Variants in CDH20 observed in about 807,000 individuals in gnomAD.
CDH20 encodes the protein cadherin-20.
CDH20 carries 29 observed loss-of-function variants against 74.2 expected under a neutral mutation model. That is an observed-to-expected ratio of 0.39 (90% CI 0.29 to 0.53). The LOEUF (loss-of-function observed/expected upper bound fraction) is 0.53, where lower values mean the gene tolerates loss of function less well. CDH20 is among the 20% of genes least tolerant of loss of function. The probability of loss-of-function intolerance (pLI) is 0.69; values close to 1 mark genes in which losing one functional copy is unlikely to be tolerated. For missense variants in CDH20, 988 were observed against 1,048.3 expected (o/e 0.94, Z 0.79); for synonymous variants, 469 against 405.4 (o/e 1.16, Z -1.88).
At chr18:61,428,729 A>G (rs1038554785) in intron 1 of CDH20, among the ~76,000 whole-genome samples, 3 of 152,212 alleles carry the variant, frequency 2.0e-5, no homozygotes, top group African/African-American at 7.2e-5. Flanking sequence ...TCTCTCAGAC[A>G]CTAGCCCATG....
At chr18:61,552,359 T>C (rs899004456) in intron 11 of CDH20, among the ~76,000 whole-genome samples, 5 of 152,024 alleles carry the variant, frequency 3.3e-5, no homozygotes, top group Middle Eastern at 3.4e-3. Context: ...TCATGTAATA[T>C]TTGTTATGTA....
At chr18:61,536,399 A>G in intron 7 of CDH20, 94 bp from the exon 8 acceptor site, 1 of 972,426 alleles carries the variant, frequency 1.0e-6, no homozygotes, top group Non-Finnish European at 1.5e-6. Context: ...TGGTGGAACC[A>G]TGTTTCATAT....
intron 9 of CDH20, among the ~76,000 whole-genome samples, chr18:61,543,042 G>C (rs541141884): frequency 6.6e-6 from 1 of 152,156 alleles, no homozygotes; most frequent in Non-Finnish European, 1.5e-5. Flanking sequence ...AACCATAGGA[G>C]TGGGTAGGTG....
At chr18:61,493,825 A>G (rs903711273) in intron 2 of CDH20, among the ~76,000 whole-genome samples, 8 of 152,210 alleles carry the variant, frequency 5.3e-5, no homozygotes, top group African/African-American at 1.7e-4. Context: ...GTTTGTATTC[A>G]GCAATTTTCA....
intron 1 of CDH20, among the ~76,000 whole-genome samples, chr18:61,455,926 G>A (rs796132214): frequency 4.6e-5 from 7 of 152,260 alleles, no homozygotes; most frequent in African/African-American, 1.2e-4. Context: ...GCATCTTCAC[G>A]TTGAGCATTG....
intron 1 of CDH20, among the ~76,000 whole-genome samples, chr18:61,480,377 G>A (rs1003844677): frequency 6.6e-6 from 1 of 152,186 alleles, no homozygotes; most frequent in African/African-American, 2.4e-5. Flanking sequence ...AGGTCCTGAC[G>A]ACATGTGCCC....
intron 1 of CDH20, among the ~76,000 whole-genome samples, chr18:61,485,917 C>T (rs1599117626): frequency 6.6e-6 from 1 of 152,022 alleles, no homozygotes; most frequent in African/African-American, 2.4e-5. Flanking sequence ...ACTAAAAATA[C>T]AAAAAATTAG....
chr18:61,383,589 T>A (rs923475346), intron 1 of CDH20, among the ~76,000 whole-genome samples: 3 of 151,426 alleles, frequency 2.0e-5, no homozygotes, highest in South Asian at 2.1e-4. Context: ...TAAAAAAAAA[T>A]AAAAAATAAA....
chr18:61,354,219 G>A (rs909040110), intron 1 of CDH20, among the ~76,000 whole-genome samples: 20 of 152,032 alleles, frequency 1.3e-4, no homozygotes, highest in Admixed American at 2.6e-4. Context: ...TGCTGGTCTC[G>A]ACACCATTCT....
At chr18:61,407,706 A>G (rs1326280430) in intron 1 of CDH20, among the ~76,000 whole-genome samples, 1 of 152,212 alleles carries the variant, frequency 6.6e-6, no homozygotes, top group African/African-American at 2.4e-5. Flanking sequence ...GCATAACCCA[A>G]TGCAGTCATA....
At chr18:61,471,840 C>G (rs1411456000) in intron 1 of CDH20, among the ~76,000 whole-genome samples, 1 of 152,078 alleles carries the variant, frequency 6.6e-6, no homozygotes, top group Non-Finnish European at 1.5e-5. Context: ...GAAAGAGAAG[C>G]TCAGCTGAGA....
Position 61,554,635 on chromosome 18 carries a change from C to A in CDH20, c.2346C>A (p.Pro782=). The change falls in exon 12 of 12, where the codon CCC becomes CCA. Residue 782 remains proline (P), a synonymous_variant. Coordinates refer to ENST00000262717, the MANE Select transcript of CDH20 (RefSeq NM_031891.4). Reference sequence around the variant, plus strand: ...TCGACTTCCTGACGGACTGGGGGCCCCGCTTCCGGAAGCTGGCCGAGCTCT... The same window carrying A: ...TCGACTTCCTGACGGACTGGGGGCCACGCTTCCGGAAGCTGGCCGAGCTCT... The part of the protein sequence containing the change: ...QSFDFLTDWG[P]RFRKLAELYG... 1 of 1,602,212 alleles carries A rather than the reference C, an allele frequency of 6.2e-7. No individual in the cohort carries two copies. The highest frequency in any genetic ancestry group is 8.5e-7 in the Non-Finnish European group (1 of 1,174,912).
At chr18:61,527,796 G>C (rs1446965646) in intron 6 of CDH20, among the ~76,000 whole-genome samples, 171 bp from the exon 7 acceptor site, 1 of 152,126 alleles carries the variant, frequency 6.6e-6, no homozygotes, top group Non-Finnish European at 1.5e-5. Context: ...TTAAGACCAA[G>C]AACTACAGAA....
chr18:61,369,619 G>T (rs1910966024), intron 1 of CDH20, among the ~76,000 whole-genome samples: 1 of 152,076 alleles, frequency 6.6e-6, no homozygotes, highest in Admixed American at 6.6e-5. Context: ...GCACACGTAT[G>T]TTCATTGGAG....
At chr18:61,455,300 G>A in intron 1 of CDH20, among the ~76,000 whole-genome samples, 1 of 152,176 alleles carries the variant, frequency 6.6e-6, no homozygotes, top group East Asian at 1.9e-4. Flanking sequence ...ATATTAGTGA[G>A]AAAATTGGGG....
intron 1 of CDH20, among the ~76,000 whole-genome samples, chr18:61,395,363 A>C (rs900732338): frequency 6.6e-6 from 1 of 152,226 alleles, no homozygotes; most frequent in Non-Finnish European, 1.5e-5. Context: ...GTACTTGATA[A>C]GCACTGAATA....
intron 1 of CDH20, among the ~76,000 whole-genome samples, chr18:61,403,543 C>T (rs578121896): frequency 1.3e-5 from 2 of 152,190 alleles, no homozygotes; most frequent in Non-Finnish European, 2.9e-5. Context: ...CATATAATAC[C>T]TCAAGGTGTT....
chr18:61,362,359 C>T (rs187594236), intron 1 of CDH20, among the ~76,000 whole-genome samples: 85 of 152,200 alleles, frequency 5.6e-4, no homozygotes, highest in Non-Finnish European at 1.1e-3. Context: ...AGAGTCAATG[C>T]TGTACAGATG....
At chr18:61,434,662 G>A (rs988959035) in intron 1 of CDH20, among the ~76,000 whole-genome samples, 13 of 152,064 alleles carry the variant, frequency 8.5e-5, no homozygotes, top group Admixed American at 7.2e-4. Context: ...TCTGTGGGCT[G>A]CTCACTGTGC....
Sources: allele counts gnomAD v4.1 joint callset (sites outside exome capture counted in the v4.1 genomes callset), GRCh38; gene constraint gnomAD v4.1.1; transcripts MANE v1.5; gene names NCBI Gene and HGNC (gene_info 2026-07-23, HGNC 2026-07-21).